EPB41L3: variants seen among roughly 807,000 people sequenced by gnomAD.
EPB41L3 encodes the protein band 4.1-like protein 3.
Under a neutral mutation model 127.1 loss-of-function variants are expected in EPB41L3, and 57 were observed. The ratio of observed to expected loss-of-function variants is 0.45; its 90% CI spans 0.36 to 0.56. EPB41L3 has a LOEUF of 0.56. Ranked by LOEUF, EPB41L3 falls within the 20% of genes least tolerant of loss-of-function variation. The probability of loss-of-function intolerance (pLI) is 0.00; values close to 1 mark genes in which losing one functional copy is unlikely to be tolerated. For missense variants in EPB41L3, 1,273 were observed against 1,372.2 expected, an observed-to-expected ratio of 0.93 and a Z score of 1.14; for synonymous variants, 572 against 549.5, an observed-to-expected ratio of 1.04 and a Z score of -0.57.
intron 1 of EPB41L3, among the ~76,000 whole-genome samples, chr18:5,496,921 A>G (rs1255733382): frequency 3.3e-5 from 5 of 152,260 alleles, no homozygotes; most frequent in Non-Finnish European, 1.5e-5. Context: ...GAGGAAAAGA[A>G]ATAAAAAGTG....
intron 3 of EPB41L3, among the ~76,000 whole-genome samples, chr18:5,594,970 G>A (rs979738207): frequency 4.6e-5 from 7 of 152,210 alleles, no homozygotes; most frequent in African/African-American, 1.7e-4. Context: ...TGCCTTATGA[G>A]AAACTACTAA....
intron 1 of EPB41L3, among the ~76,000 whole-genome samples, chr18:5,526,320 G>T (rs1627600): frequency 0.26 from 39,505 of 152,022 alleles, 5,681 homozygotes; most frequent in African/African-American, 0.39. Context: ...AAGAAATGAT[G>T]ATGGAGGGTC....
At chr18:5,545,586 A>C (rs118059080), upstream of EPB41L3, among the ~76,000 whole-genome samples, 1,696 of 152,316 alleles carry the variant, frequency 0.011, 13 homozygotes, top group Middle Eastern at 0.058. Flanking sequence ...AGCTTTGGGA[A>C]ATTTTGAGCA....
intron 8 of EPB41L3, among the ~76,000 whole-genome samples, chr18:5,429,902 G>A (rs1056272618): frequency 2.6e-5 from 4 of 152,042 alleles, no homozygotes; most frequent in African/African-American, 4.8e-5. Context: ...ATCTGTCTGC[G>A]CCACCACTCA....
At chr18:5,421,057 G>C (rs1052319670) in intron 11 of EPB41L3, among the ~76,000 whole-genome samples, 3 of 152,184 alleles carry the variant, frequency 2.0e-5, no homozygotes, top group Non-Finnish European at 4.4e-5. Flanking sequence ...ACATGCAGCT[G>C]TGCCACCCAG....
At chr18:5,567,616 GGAAGGAAGGAAGGAAA>G (rs2094223842) in intron 3 of EPB41L3, among the ~76,000 whole-genome samples, 1 of 151,698 alleles carries the variant, frequency 6.6e-6, no homozygotes, top group Non-Finnish European at 1.5e-5. Flanking sequence ...AGATAGGCAA[GGAAGGAAGGAAGGAAA>G]GAAGGAAGGA....
rs2090276534 is a variant in EPB41L3 at position 5,489,099 on chromosome 18, C to CGCGCCCCT, written c.77_84dup (p.Ala29ArgfsTer57). The CGCGCCCCT allele has an allele frequency of 1.9e-6, 3 of 1,593,010 alleles. No individual in the cohort carries two copies. Among genetic ancestry groups the CGCGCCCCT allele is most frequent in the African/African-American group, 1.4e-5 (1 of 73,002 alleles). ...GGCGGCTCCGGCACGGGCGCCCCCG[C>CGCGCCCCT]GCGCCCCTGCGCCCCCGCCGCCTCC... On this transcript the variant is annotated frameshift_variant, in exon 2 of 23. Transcript: ENST00000341928. LOFTEE classifies it high-confidence loss of function.
chr18:5,474,218 C>G (rs4798365), intron 3 of EPB41L3, among the ~76,000 whole-genome samples: 104,505 of 150,808 alleles, frequency 0.69, 36,347 homozygotes, highest in East Asian at 0.8. Context: ...GCAACAGAGT[C>G]AGACTCTGTC....
At chr18:5,629,898 G>A, upstream of EPB41L3, among the ~76,000 whole-genome samples, 1 of 152,154 alleles carries the variant, frequency 6.6e-6, no homozygotes, top group South Asian at 2.1e-4. Context: ...TCTCGGAATA[G>A]GCTAAACGGC....
At chr18:5,504,428 C>G (rs547549060) in intron 1 of EPB41L3, among the ~76,000 whole-genome samples, 1 of 152,276 alleles carries the variant, frequency 6.6e-6, no homozygotes, top group African/African-American at 2.4e-5. Flanking sequence ...TTTCTTTTCA[C>G]CCAGACAGCC....
rs201592629 is a variant in EPB41L3 at position 5,394,783 on chromosome 18, T to C, written c.3164A>G (p.Gln1055Arg). 5.4e-5 allele frequency: 87 copies of C among 1,614,156 alleles called. No homozygotes were observed. In the East Asian group the frequency reaches 1.9e-3, roughly 36 times the overall value. ...ADIDHDQALA[Q>R]AIKEAKEQHP... ...CTGCTCTTTGGCCTCTTTAATTGCC[T>C]GAGCCAGCGCCTATCCCCGGGAAAT... The change falls in exon 22 of 23, where the codon CAG (glutamine) becomes CGG (arginine). Residue 1055 changes from glutamine to arginine, a missense_variant. Transcript: ENST00000341928.
chr18:5,394,429 A>G (rs991024964), intron 22 of EPB41L3: 3 of 383,888 alleles, frequency 7.8e-6, no homozygotes, highest in African/African-American at 6.0e-5. Context: ...AAGACCACAC[A>G]AGCATAGAAG....
chr18:5,518,323 C>T (rs566590689), intron 1 of EPB41L3, among the ~76,000 whole-genome samples: 131 of 152,188 alleles, frequency 8.6e-4, no homozygotes, highest in Non-Finnish European at 1.5e-3. Flanking sequence ...TTCCTCAGAC[C>T]GCCACCCACC....
At chr18:5,497,487 G>A (rs1329772468) in intron 1 of EPB41L3, among the ~76,000 whole-genome samples, 3 of 152,180 alleles carry the variant, frequency 2.0e-5, no homozygotes, top group Non-Finnish European at 2.9e-5. Flanking sequence ...AGAAATGTAC[G>A]AAGCTGGTAG....
At chr18:5,438,276 C>T (rs1190236637) in intron 5 of EPB41L3, among the ~76,000 whole-genome samples, 166 bp from the exon 6 acceptor site, 3 of 152,166 alleles carry the variant, frequency 2.0e-5, no homozygotes, top group Non-Finnish European at 4.4e-5. Context: ...AAGTCTGAAA[C>T]CTTGTCTAAC....
At chr18:5,458,020 G>A (rs778664824) in intron 3 of EPB41L3, among the ~76,000 whole-genome samples, 1 of 152,100 alleles carries the variant, frequency 6.6e-6, no homozygotes, top group Non-Finnish European at 1.5e-5. Context: ...GCCGGGCATC[G>A]AGCAGAAACA....
chr18:5,612,165 G>C (rs1377392702), intron 3 of EPB41L3, among the ~76,000 whole-genome samples: 1 of 151,640 alleles, frequency 6.6e-6, no homozygotes, highest in African/African-American at 2.4e-5. Flanking sequence ...AATCTTGAAA[G>C]GAAAGCATGA....
intron 3 of EPB41L3, among the ~76,000 whole-genome samples, chr18:5,592,715 G>A (rs1443817112): frequency 6.6e-6 from 1 of 152,210 alleles, no homozygotes; most frequent in Non-Finnish European, 1.5e-5. Flanking sequence ...GGACAGCTCA[G>A]GTCAGAGTGG....
chr18:5,556,128 G>T (rs2094031768), intron 3 of EPB41L3, among the ~76,000 whole-genome samples: 1 of 152,138 alleles, frequency 6.6e-6, no homozygotes, highest in Admixed American at 6.5e-5. Flanking sequence ...GTGAATATTT[G>T]CAATAAATAA....
Sources: gnomAD v4.1 joint callset for allele counts (sites outside exome capture counted in the v4.1 genomes callset) on GRCh38, gnomAD v4.1.1 for gene constraint, MANE v1.5 for transcripts, NCBI Gene and HGNC (gene_info 2026-07-23, HGNC 2026-07-21) for gene names.